Variants in RIF1 observed in about 807,000 individuals in gnomAD.
RIF1 encodes the protein replication timing regulatory factor 1, also known as telomere-associated protein RIF1.
In RIF1, 45 loss-of-function variants were observed where a neutral mutation model predicts 247.1. The observed-to-expected ratio is 0.18, with a 90% CI of 0.14 to 0.23. RIF1 has a LOEUF of 0.23. Among genes scored for constraint, RIF1 ranks in the 10% least tolerant of loss-of-function variants. The pLI is 1.00. For missense variants in RIF1, 2,967 were observed against 2,862.5 expected, an observed-to-expected ratio of 1.04 and a Z score of -0.83; for synonymous variants, 1,087 against 978.8, an observed-to-expected ratio of 1.11 and a Z score of -2.06.
In RIF1 at chr2:151,463,092, C is replaced by T. The variant is rs376271112; in HGVS notation, c.3572C>T (p.Thr1191Ile). ...RKTSTECASSTENSFVVSSSS... is the reference protein window; with the variant it reads ...RKTSTECASSIENSFVVSSSS... ...ACATCAACTGAATGTGCATCTAGTA[C>T]AGAAAATTCTTTCGTTGTCAGCAGT... The change falls in exon 30 of 36, where the codon ACA (threonine) becomes ATA (isoleucine). Residue 1191 changes from threonine to isoleucine, a missense_variant. By Grantham distance (89) the Thr-to-Ile change is moderately conservative (BLOSUM62 -1). This residue lies in a region of RIF1 where 2,028 missense variants were observed against 1,825.6 expected (regional missense o/e 1.11). Coordinates refer to ENST00000444746, the MANE Select transcript of RIF1 (RefSeq NM_018151.5). 1 of 1,613,936 alleles carries T rather than the reference C, an allele frequency of 6.2e-7. No individual in the cohort carries two copies. The highest frequency in any genetic ancestry group is 8.5e-7 in the Non-Finnish European group (1 of 1,179,900).
chr2:151,510,993 G>T (rs374842077), downstream of RIF1, among the ~76,000 whole-genome samples: 7 of 152,320 alleles, frequency 4.6e-5, no homozygotes, highest in South Asian at 1.5e-3. Context: ...ATACTGATCT[G>T]AATTGGGGAG....
At chr2:151,520,145 A>G in the RIF1 span, among the ~76,000 whole-genome samples, 11 of 152,314 alleles carry the variant, frequency 7.2e-5, no homozygotes, top group South Asian at 1.2e-3. Flanking sequence ...ACCAACAGCA[A>G]TTTAAGTCTG....
rs1337307936 is a variant in RIF1, at chr2:151,438,763, T to A, written c.1546+17T>A. On this transcript the variant is annotated intron_variant, in intron 14 of 35. Coordinates refer to ENST00000444746, the MANE Select transcript of RIF1 (RefSeq NM_018151.5). ...CTGAATCAGGTAAGCACTATTACAC[T>A]GATCAAATGTTGTTTTTTGAAACAG... The A allele has an allele frequency of 6.4e-7, 1 of 1,550,428 alleles. No homozygotes were observed. The highest frequency in any genetic ancestry group is 1.1e-5 in the South Asian group (1 of 88,062).
In RIF1 at chr2:151,471,039, C is replaced by A. The variant is rs988778095; in HGVS notation, c.7095+1175C>A. Reference sequence around the variant, plus strand: ...TAATTTTGAATCTTTTTTTTTATCACCCAGAGAAGAAACACTGACCCATTA... The same window carrying A: ...TAATTTTGAATCTTTTTTTTTATCAACCAGAGAAGAAACACTGACCCATTA... On this transcript the variant is annotated intron_variant, in intron 34 of 35. Transcript: ENST00000444746. Among the ~76,000 whole-genome samples the A allele has an allele frequency of 2.6e-5, 4 of 151,818 alleles. No homozygotes were observed. The East Asian group carries it at 7.7e-4, about 29-fold the overall frequency.
At chr2:151,489,977 A>G (rs1449731510) in intron 9 of RIF1, 1 of 1,585,692 alleles carries the variant, frequency 6.3e-7, no homozygotes, top group Non-Finnish European at 8.7e-7. Flanking sequence ...TTACTCCAGC[A>G]GTAGATGGAT....
At chr2:151,451,773 A>T in intron 21 of RIF1, 68 bp downstream of exon 21, 1 of 796,622 alleles carries the variant, frequency 1.3e-6, no homozygotes, top group Admixed American at 1.8e-5. Context: ...TTGCCAGGGG[A>T]AGTCCTAATA....
rs773415309 is a variant in RIF1 at position 151,437,201 on chromosome 2, CTGT to C, written c.1373-35_1373-33del. 44 of 1,457,700 alleles carry C rather than the reference CTGT, an allele frequency of 3.0e-5. No homozygotes were observed. In the Middle Eastern group the frequency reaches 2.9e-3, roughly 97 times the overall value. The allele number at this position is 1,457,700 out of a possible 1,614,324, so 90.3% of individuals were successfully genotyped here. A position where few individuals can be genotyped will look rare whatever the true frequency, so the allele number is the denominator to read the frequency against. On this transcript the variant is annotated intron_variant, in intron 12 of 35. Transcript: ENST00000444746. ...ATAGTGAGAAATGTATTTCATAAAT[CTGT>C]TGTTTTACATAATTATCTTTTATTC...
intron 10 of RIF1, chr2:151,497,071 G>A (rs779215270): frequency 6.5e-7 from 1 of 1,544,430 alleles, no homozygotes. Flanking sequence ...ACAACCATGA[G>A]TAACATTTCA....
intron 12 of RIF1, among the ~76,000 whole-genome samples, chr2:151,503,801 T>C (rs1326167992): frequency 6.6e-6 from 1 of 152,154 alleles, no homozygotes; most frequent in Non-Finnish European, 1.5e-5. Flanking sequence ...AATGAATAGA[T>C]TGCTTGGTTT....
intron 10 of RIF1, among the ~76,000 whole-genome samples, chr2:151,434,224 C>T (rs112679059): frequency 6.6e-6 from 1 of 151,330 alleles, no homozygotes; most frequent in Non-Finnish European, 1.5e-5. Context: ...CAAGGTTGGA[C>T]CAGTTCTTGT....
In RIF1 at chr2:151,410,437, G is replaced by A. The variant is rs1453083777; in HGVS notation, c.14G>A (p.Gly5Asp). The A allele has an allele frequency of 1.2e-6, 2 of 1,612,814 alleles. No homozygotes were observed. Among genetic ancestry groups the A allele is most frequent in the Non-Finnish European group, 8.5e-7 (1 of 1,179,608 alleles). The stretch of plus-strand genomic sequence containing the variant: ...AGGGTGGCCGACATGACGGCCAGGG[G>A]TCAGAGCCCCCTCGCGCCGCTGTTG... MTAR[G>D]QSPLAPLLET... The change falls in exon 2 of 36, where the codon GGT becomes GAT. Residue 5 changes from glycine to aspartate, a missense_variant. Gly to Asp is a moderately conservative substitution (Grantham distance 94). Coordinates refer to ENST00000444746, the MANE Select transcript of RIF1 (RefSeq NM_018151.5).
At chr2:151,494,638 TTTTTGTTTTG>T (rs967541991) in intron 9 of RIF1, among the ~76,000 whole-genome samples, 5 of 152,226 alleles carry the variant, frequency 3.3e-5, no homozygotes, top group African/African-American at 1.2e-4. Flanking sequence ...TGTTTGTTTT[TTTTTGTTTTG>T]TTTTGTTTTG....
At chr2:151,528,265 G>T in the RIF1 span, among the ~76,000 whole-genome samples, 4 of 152,164 alleles carry the variant, frequency 2.6e-5, no homozygotes, top group African/African-American at 9.7e-5. Flanking sequence ...TCCTTGGGAG[G>T]AGCCTGCACT....
chr2:151,457,985 T>A, intron 24 of RIF1, 22 bp downstream of exon 24: 1 of 1,526,520 alleles, frequency 6.6e-7, no homozygotes, highest in Middle Eastern at 1.8e-4. Context: ...ACAAAACTTA[T>A]ATACAACTAA....
At position 151,493,504 on chromosome 2, in the gene RIF1, A is replaced by G. The variant is rs1236472495; in HGVS notation, c.*416-1725A>G. Reference sequence around the variant, plus strand: ...CAGCAGAAAACCAGGTCTGAAAATCATCACTTAGCTGGTGTTATGGCTCAT... The same window carrying G: ...CAGCAGAAAACCAGGTCTGAAAATCGTCACTTAGCTGGTGTTATGGCTCAT... On this transcript the variant is annotated intron_variant and NMD_transcript_variant, in intron 9 of 13. Coordinates refer to the RIF1 transcript ENST00000454583. 8 of 1,128,732 alleles carry G rather than the reference A, an allele frequency of 7.1e-6. No individual in the cohort carries two copies. In the Admixed American group the frequency reaches 7.2e-5, roughly 10 times the overall value. 69.9% of individuals were successfully genotyped at this position (1,128,732 alleles called of 1,614,324 possible).
intron 20 of RIF1, among the ~76,000 whole-genome samples, chr2:151,449,622 C>A (rs2444269): frequency 6.6e-6 from 1 of 152,104 alleles, no homozygotes; most frequent in Non-Finnish European, 1.5e-5. Flanking sequence ...CCTTTTTGTT[C>A]TGAAGTCTTC....
At chr2:151,430,193 T>G (rs1689828972) in intron 9 of RIF1, among the ~76,000 whole-genome samples, 1 of 151,324 alleles carries the variant, frequency 6.6e-6, no homozygotes, top group African/African-American at 2.4e-5. Context: ...GCTAATTTTT[T>G]TGTATTTTTA....
rs1367549155 is a variant in RIF1, at chr2:151,481,996, T to TA, written c.*6926dup. On this transcript the variant is annotated 3_prime_UTR_variant, in exon 36 of 36. Coordinates refer to ENST00000444746, the MANE Select transcript of RIF1 (RefSeq NM_018151.5). The stretch of plus-strand genomic sequence containing the variant: ...TGTTTGAAGTAGGCACACTTACAGT[T>TA]ACTATTTCTGGTTCTTTATGACTGT... 2.7e-5 allele frequency: 4 copies of TA among 146,982 alleles called. No homozygotes were observed. Among genetic ancestry groups the TA allele is most frequent in the African/African-American group, 1.0e-4 (4 of 39,852 alleles). 9.1% of individuals were successfully genotyped at this position (146,982 alleles called of 1,614,324 possible).
Position 151,477,233 on chromosome 2 carries a change from A to G in RIF1, c.*2162A>G, listed in dbSNP as rs1308035902. ...CCCTTAGTAATTCCCGAATAGCAAA[A>G]CATTAATATTCCATGATTAGCTCTA... On this transcript the variant is annotated 3_prime_UTR_variant, in exon 36 of 36. Transcript: ENST00000444746. The G allele has an allele frequency of 6.6e-6, 1 of 152,164 alleles. No homozygotes were observed. Among genetic ancestry groups the G allele is most frequent in the Non-Finnish European group, 1.5e-5 (1 of 68,016 alleles). The allele number at this position is 152,164 out of a possible 1,614,324, so 9.4% of individuals were successfully genotyped here. A position where few individuals can be genotyped will look rare whatever the true frequency, so the allele number is the denominator to read the frequency against.
Sources: gnomAD v4.1 joint callset for allele counts (sites outside exome capture counted in the v4.1 genomes callset) on GRCh38, gnomAD v4.1.1 for gene constraint, gnomAD v4.1.1 regional missense constraint, MANE v1.5 for transcripts, NCBI Gene and HGNC (gene_info 2026-07-23, HGNC 2026-07-21) for gene names.